Variants in CNBD1 observed in about 807,000 individuals in gnomAD.
CNBD1 encodes cyclic nucleotide-binding domain-containing protein 1.
CNBD1 carries 71 observed loss-of-function variants against 54.4 expected under a neutral mutation model. The ratio of observed to expected loss-of-function variants is 1.30; its 90% CI spans 1.08 to 1.59. The LOEUF is 1.59. Among genes scored for constraint, CNBD1 ranks in the 40% most tolerant of loss-of-function variants. The pLI, the probability that CNBD1 is intolerant of heterozygous loss-of-function variation, is 0.00. For missense variants in CNBD1, 659 were observed against 518.0 expected, an observed-to-expected ratio of 1.27 and a Z score of -2.64; for synonymous variants, 182 against 170.7, an observed-to-expected ratio of 1.07 and a Z score of -0.51.
intron 6 of CNBD1, among the ~76,000 whole-genome samples, chr8:87,241,382 T>G (rs2130830155): frequency 6.7e-6 from 1 of 148,320 alleles, no homozygotes; most frequent in Admixed American, 6.8e-5. Context: ...GTCATTCTCC[T>G]GCTTCAGCCT....
intron 4 of CNBD1, among the ~76,000 whole-genome samples, chr8:87,143,110 T>C (rs1812405744): frequency 6.6e-6 from 1 of 152,168 alleles, no homozygotes; most frequent in Non-Finnish European, 1.5e-5. Context: ...CCTTTGCACC[T>C]GGGGTCATCC....
intron 6 of CNBD1, among the ~76,000 whole-genome samples, chr8:87,280,102 A>G (rs1808566203): frequency 6.6e-6 from 1 of 151,582 alleles, no homozygotes; most frequent in South Asian, 2.1e-4. Flanking sequence ...TTAGGTCCCC[A>G]TCAGATTCTC....
At chr8:87,116,788 ATG>A (rs1811780590) in intron 4 of CNBD1, among the ~76,000 whole-genome samples, 1 of 152,134 alleles carries the variant, frequency 6.6e-6, no homozygotes, top group Non-Finnish European at 1.5e-5. Flanking sequence ...GTCAACTGCA[ATG>A]TGCCAGGAGA....
chr8:87,046,108 A>AGG (rs1810185365), intron 4 of CNBD1, among the ~76,000 whole-genome samples: 4 of 150,746 alleles, frequency 2.7e-5, no homozygotes, highest in African/African-American at 7.3e-5. Context: ...AAAAACATCT[A>AGG]GGGCTCATCT....
chr8:87,032,048 T>C, intron 4 of CNBD1, among the ~76,000 whole-genome samples: 1 of 152,194 alleles, frequency 6.6e-6, no homozygotes, highest in Non-Finnish European at 1.5e-5. Context: ...AGCCTAACCC[T>C]TCCTTTATAT....
At position 87,321,940 on chromosome 8, in the gene CNBD1, C is replaced by A. The variant is rs145292828; in HGVS notation, c.1043-29745C>A. 2.9e-3 allele frequency among the ~76,000 whole-genome samples: 424 copies of A among 147,876 alleles called. 8 individuals carry two copies. Among genetic ancestry groups the A allele is most frequent in the African/African-American group, 9.5e-3 (381 of 40,154 alleles). ...CTAGCCTTAGGTATATCTCCCAATG[C>A]TATGCCTCCCCGCTCCCCCCACCCC... On this transcript the variant is annotated intron_variant, in intron 8 of 10. Coordinates refer to ENST00000518476, the MANE Select transcript of CNBD1 (RefSeq NM_173538.3).
At chr8:87,391,493 G>T (rs964852062) in intron 2 of CNBD1, among the ~76,000 whole-genome samples, 1 of 152,090 alleles carries the variant, frequency 6.6e-6, no homozygotes, top group Admixed American at 6.6e-5. Flanking sequence ...TGGCAAAAGA[G>T]TAGACATGTG....
At chr8:86,902,751 AT>A (rs1027724135) in intron 2 of CNBD1, among the ~76,000 whole-genome samples, 6 of 152,000 alleles carry the variant, frequency 3.9e-5, no homozygotes, top group African/African-American at 1.4e-4. Flanking sequence ...CACGAAAAAC[AT>A]CTTCAGGACA....
intron 4 of CNBD1, among the ~76,000 whole-genome samples, chr8:87,010,484 C>G (rs1249541785): frequency 6.6e-6 from 1 of 152,138 alleles, no homozygotes; most frequent in African/African-American, 2.4e-5. Context: ...CATGGTGGCT[C>G]ATGCCTGTAA....
At chr8:86,916,556 G>A (rs945675190) in intron 3 of CNBD1, among the ~76,000 whole-genome samples, 12 of 115,078 alleles carry the variant, frequency 1.0e-4, no homozygotes, top group Admixed American at 9.3e-5. Context: ...GTTAAACTCT[G>A]CCATTTTACC....
intron 8 of CNBD1, among the ~76,000 whole-genome samples, chr8:87,348,061 AT>A (rs933722601): frequency 2.0e-5 from 3 of 152,058 alleles, no homozygotes; most frequent in Non-Finnish European, 4.4e-5. Context: ...GTGTACATTT[AT>A]TTTTTTCTTA....
intron 10 of CNBD1, among the ~76,000 whole-genome samples, chr8:87,378,175 A>G (rs1222464606): frequency 7.1e-6 from 1 of 139,996 alleles, no homozygotes; most frequent in African/African-American, 2.7e-5. Context: ...CCATTTGTCA[A>G]TTTTGTCTTT....
chr8:87,272,100 G>A (rs1198558399), intron 6 of CNBD1, among the ~76,000 whole-genome samples: 1 of 151,856 alleles, frequency 6.6e-6, no homozygotes, highest in African/African-American at 2.4e-5. Context: ...GGGTGGGGGT[G>A]ATGTGTGGTG....
At chr8:86,974,046 G>T (rs937199394) in intron 4 of CNBD1, among the ~76,000 whole-genome samples, 7 of 151,824 alleles carry the variant, frequency 4.6e-5, no homozygotes, top group Non-Finnish European at 1.0e-4. Context: ...ACCCCAAACG[G>T]TTACTAAGAG....
chr8:87,403,370 G>A (rs1040241995), intron 2 of CNBD1, among the ~76,000 whole-genome samples: 14 of 152,038 alleles, frequency 9.2e-5, no homozygotes, highest in African/African-American at 2.7e-4. Context: ...TAGATAGACC[G>A]AAAATGGAAT....
intron 8 of CNBD1, among the ~76,000 whole-genome samples, chr8:87,301,542 A>G (rs1441127303): frequency 6.6e-6 from 1 of 152,202 alleles, no homozygotes; most frequent in Non-Finnish European, 1.5e-5. Flanking sequence ...ATAGTTTAGC[A>G]TATGCAAGTC....
In CNBD1 at chr8:86,939,691, T is replaced by G. The variant is rs1468214647; in HGVS notation, c.368T>G (p.Ile123Ser). 1 of 1,603,888 alleles carries G rather than the reference T, an allele frequency of 6.2e-7. No individual in the cohort carries two copies. Among genetic ancestry groups the G allele is most frequent in the East Asian group, 2.2e-5 (1 of 44,624 alleles). ...VHVQRAHGGHILYRPKRATEK... is the reference protein window; with the variant it reads ...VHVQRAHGGHSLYRPKRATEK... ...GTTCAGAGAGCACATGGTGGCCATA[T>G]TTTATATAGACCAAAAAGAGCCACA... Residue 123 changes from isoleucine to serine, a missense_variant, in exon 4 of 11, where the codon ATT becomes AGT. Coordinates refer to ENST00000518476, the MANE Select transcript of CNBD1 (RefSeq NM_173538.3).
At chr8:87,085,629 T>A (rs1181809513) in intron 4 of CNBD1, among the ~76,000 whole-genome samples, 1 of 152,184 alleles carries the variant, frequency 6.6e-6, no homozygotes, top group Non-Finnish European at 1.5e-5. Context: ...TAGCAAGTTT[T>A]CCTCAATATT....
At chr8:87,342,061 C>G (rs1054524977) in intron 8 of CNBD1, among the ~76,000 whole-genome samples, 1 of 152,072 alleles carries the variant, frequency 6.6e-6, no homozygotes, top group Non-Finnish European at 1.5e-5. Context: ...ATCACAAGGT[C>G]AGGAGATCCA....
Sources: gnomAD v4.1 joint callset for allele counts (sites outside exome capture counted in the v4.1 genomes callset) on GRCh38, gnomAD v4.1.1 for gene constraint, MANE v1.5 for transcripts, NCBI Gene and HGNC (gene_info 2026-07-23, HGNC 2026-07-21) for gene names.